CACNB4: variants seen among roughly 807,000 people sequenced by gnomAD.
CACNB4 encodes the protein voltage-dependent L-type calcium channel subunit beta-4.
A neutral mutation model predicts 71.2 loss-of-function variants in CACNB4; 32 were observed. The observed-to-expected ratio is 0.45, with a 90% CI of 0.34 to 0.60. The LOEUF is 0.60. Among genes scored for constraint, CACNB4 ranks in the 20% least tolerant of loss-of-function variants. CACNB4 has a pLI of 0.01. For missense variants in CACNB4, 464 were observed against 647.9 expected (o/e 0.72, Z 3.08); for synonymous variants, 231 against 236.9 (o/e 0.97, Z 0.23).
chr2:151,901,697 T>C (rs895030338), intron 2 of CACNB4, among the ~76,000 whole-genome samples: 1 of 152,208 alleles, frequency 6.6e-6, no homozygotes, highest in Non-Finnish European at 1.5e-5. Context: ...AAGTTATTTA[T>C]AACCAAAGAA....
At chr2:151,962,447 T>C (rs1168570115) in intron 2 of CACNB4, among the ~76,000 whole-genome samples, 1 of 151,818 alleles carries the variant, frequency 6.6e-6, no homozygotes, top group African/African-American at 2.4e-5. Flanking sequence ...CTTTTACAAA[T>C]ACTGCTGTTC....
At chr2:152,066,761 T>C (rs1183837887) in intron 2 of CACNB4, among the ~76,000 whole-genome samples, 92 of 140,370 alleles carry the variant, frequency 6.6e-4, no homozygotes, top group African/African-American at 2.4e-3. Context: ...CCAACAATGA[T>C]AGACTGGATT....
intron 3 of CACNB4, among the ~76,000 whole-genome samples, chr2:151,881,401 T>A (rs564943640): frequency 6.6e-6 from 1 of 152,346 alleles, no homozygotes; most frequent in South Asian, 2.1e-4. Flanking sequence ...TATCTGGTCC[T>A]GCCGGGGAAA....
chr2:151,854,682 T>TACAC (rs2099839826), intron 11 of CACNB4, among the ~76,000 whole-genome samples: 2 of 152,194 alleles, frequency 1.3e-5, no homozygotes, highest in South Asian at 4.1e-4. Context: ...GGCATAAAGA[T>TACAC]ACAAAGCAAA....
intron 5 of CACNB4, chr2:151,873,286 G>A (rs1268717588): frequency 6.6e-6 from 1 of 152,150 alleles, no homozygotes; most frequent in Non-Finnish European, 1.5e-5. Context: ...ATGCCTGGGA[G>A]CAGAAATGTT....
chr2:151,853,639 A>G (rs1476345717), intron 11 of CACNB4, 96 bp from the exon 12 acceptor site: 1 of 671,484 alleles, frequency 1.5e-6, no homozygotes, highest in African/African-American at 1.9e-5. Context: ...GGCCCTGAGT[A>G]TTATCAGAGA....
At chr2:151,901,136 G>C (rs1559961298) in intron 2 of CACNB4, among the ~76,000 whole-genome samples, 1 of 151,734 alleles carries the variant, frequency 6.6e-6, no homozygotes, top group Non-Finnish European at 1.5e-5. Flanking sequence ...TGGAACTACA[G>C]GTGTGTGCCA....
intron 2 of CACNB4, among the ~76,000 whole-genome samples, chr2:151,902,032 C>CTTT (rs70974804): frequency 5.3e-4 from 69 of 130,206 alleles, no homozygotes; most frequent in Non-Finnish European, 6.7e-4. Context: ...ACAACATCAC[C>CTTT]TTTTTTTTTT....
In CACNB4 at chr2:152,005,167, C is replaced by T. The variant is rs1682651295; in HGVS notation, c.147+93163G>A. ...ACCATTCAACCCAGCAGTTCCATTACTGGGTATCTACTCAAAGGAGAATGA... is the reference window on the plus strand; with the variant it reads ...ACCATTCAACCCAGCAGTTCCATTATTGGGTATCTACTCAAAGGAGAATGA... On this transcript the variant is annotated intron_variant, in intron 2 of 13. Transcript: ENST00000539935. Among the ~76,000 whole-genome samples the T allele has an allele frequency of 2.0e-5, 3 of 152,202 alleles. No individual in the cohort carries two copies. The South Asian group carries it at 6.2e-4, about 32-fold the overall frequency.
intron 2 of CACNB4, among the ~76,000 whole-genome samples, chr2:152,037,874 C>T (rs1332051299): frequency 6.6e-6 from 1 of 152,184 alleles, no homozygotes; most frequent in Admixed American, 6.5e-5. Flanking sequence ...CCCCCTCATC[C>T]TTGGAGCTGC....
chr2:151,964,046 C>CCAA (rs199938341), intron 2 of CACNB4, among the ~76,000 whole-genome samples: 4,204 of 137,068 alleles, frequency 0.031, 63 homozygotes, highest in Middle Eastern at 0.048. Context: ...TCCAACCTGG[C>CCAA]CAGAGCAAGA....
At chr2:151,952,445 G>GCA (rs2099867150) in intron 2 of CACNB4, among the ~76,000 whole-genome samples, 1 of 152,138 alleles carries the variant, frequency 6.6e-6, no homozygotes, top group Non-Finnish European at 1.5e-5. Context: ...TCTTACTGGG[G>GCA]GTCTCCTCTT....
chr2:151,920,090 C>A (rs564703924), intron 2 of CACNB4, among the ~76,000 whole-genome samples: 8 of 151,814 alleles, frequency 5.3e-5, no homozygotes, highest in Non-Finnish European at 1.0e-4. Context: ...AAGTGTCACA[C>A]CAATTTAGAA....
chr2:152,028,563 C>A (rs554558621), intron 2 of CACNB4, among the ~76,000 whole-genome samples: 96 of 152,084 alleles, frequency 6.3e-4, no homozygotes, highest in African/African-American at 2.2e-3. Context: ...TATATATAAC[C>A]ATATCATTTA....
At chr2:151,917,774 G>A (rs898840657) in intron 2 of CACNB4, among the ~76,000 whole-genome samples, 28 of 146,356 alleles carry the variant, frequency 1.9e-4, no homozygotes, top group Admixed American at 7.8e-4. Context: ...AGGTGGAAGT[G>A]CAGTGAGCTG....
At chr2:151,875,998 C>CAGGGCGGCTGGCCGGGCGG (rs2099846120) in intron 5 of CACNB4, among the ~76,000 whole-genome samples, 1 of 143,078 alleles carries the variant, frequency 7.0e-6, no homozygotes, top group Non-Finnish European at 1.5e-5. Flanking sequence ...CCCTCCCGGA[C>CAGGGCGGCTGGCCGGGCGG]GGGGCGGCTG....
chr2:152,054,988 A>C (rs1685650254), intron 2 of CACNB4, among the ~76,000 whole-genome samples: 1 of 152,144 alleles, frequency 6.6e-6, no homozygotes, highest in Non-Finnish European at 1.5e-5. Flanking sequence ...AAGATTTGCA[A>C]ATATTTCCTC....
intron 4 of CACNB4, chr2:151,879,965 T>C (rs1240885751): frequency 2.6e-5 from 4 of 152,202 alleles, no homozygotes; most frequent in Non-Finnish European, 5.9e-5. Context: ...CTAATGAATA[T>C]GGCTTGGGCA....
intron 2 of CACNB4, among the ~76,000 whole-genome samples, chr2:152,092,373 C>T (rs1169094276): frequency 6.6e-6 from 1 of 152,180 alleles, no homozygotes; most frequent in Non-Finnish European, 1.5e-5. Flanking sequence ...CAAATTATAA[C>T]CCCAAGAATT....
Sources: gnomAD v4.1 joint callset for allele counts (sites outside exome capture counted in the v4.1 genomes callset) on GRCh38, gnomAD v4.1.1 for gene constraint, MANE v1.5 for transcripts, NCBI Gene and HGNC (gene_info 2026-07-23, HGNC 2026-07-21) for gene names.